PARN: variants seen among roughly 807,000 people sequenced by gnomAD.
PARN encodes the protein poly(A)-specific ribonuclease PARN.
Under a neutral mutation model 102.8 loss-of-function variants are expected in PARN, and 71 were observed. The observed-to-expected ratio is 0.69, with a 90% CI of 0.57 to 0.84. The LOEUF is 0.84. Among genes scored for constraint, PARN ranks in the 40% least tolerant of loss-of-function variants. The probability of loss-of-function intolerance (pLI) is 0.00; values close to 1 mark genes in which losing one functional copy is unlikely to be tolerated. For missense variants in PARN, 782 were observed against 760.9 expected (o/e 1.03, Z -0.33); for synonymous variants, 261 against 252.9 (o/e 1.03, Z -0.30).
chr16:14,584,551 A>G, intron 15 of PARN, 129 bp from the exon 16 acceptor site: 1 of 828,438 alleles, frequency 1.2e-6, no homozygotes, highest in Admixed American at 3.1e-5. Flanking sequence ...AAAGAAACAC[A>G]GAAGTCTTCG....
chr16:14,446,021 G>A (rs1246936875), intron 23 of PARN, among the ~76,000 whole-genome samples: 1 of 152,250 alleles, frequency 6.6e-6, no homozygotes, highest in Non-Finnish European at 1.5e-5. Context: ...GCACTGTCCT[G>A]GCTCCAGTAA....
intron 12 of PARN, among the ~76,000 whole-genome samples, chr16:14,598,307 T>C (rs906226952): frequency 2.0e-5 from 3 of 152,074 alleles, no homozygotes; most frequent in Admixed American, 1.3e-4. Context: ...GTCAGCAACA[T>C]GTTATGAATA....
chr16:14,581,693 G>C (rs1169060345), intron 17 of PARN, among the ~76,000 whole-genome samples: 1 of 152,162 alleles, frequency 6.6e-6, no homozygotes. Flanking sequence ...GCTGAGGTAG[G>C]AGGATCACTT....
chr16:14,471,015 T>C (rs2151584113), intron 22 of PARN, among the ~76,000 whole-genome samples: 1 of 152,254 alleles, frequency 6.6e-6, no homozygotes, highest in South Asian at 2.1e-4. Flanking sequence ...TAAGCTGTCC[T>C]TAAGCAATCC....
intron 22 of PARN, among the ~76,000 whole-genome samples, chr16:14,476,938 C>G (rs935065367): frequency 6.6e-6 from 1 of 152,094 alleles, no homozygotes; most frequent in African/African-American, 2.4e-5. Context: ...ATAAGAGGAA[C>G]AGAGGGACAC....
intron 21 of PARN, among the ~76,000 whole-genome samples, chr16:14,530,365 C>A (rs1298779242): frequency 1.3e-5 from 2 of 152,160 alleles, no homozygotes; most frequent in Admixed American, 1.3e-4. Context: ...CGCCACAGTG[C>A]TTTGCACACC....
intron 22 of PARN, among the ~76,000 whole-genome samples, chr16:14,461,690 A>G (rs959309216): frequency 7.2e-5 from 11 of 152,218 alleles, no homozygotes; most frequent in African/African-American, 2.7e-4. Context: ...GTGGTCAGCT[A>G]ATTCTTCTTT....
At chr16:14,569,142 G>A (rs987414385) in intron 18 of PARN, among the ~76,000 whole-genome samples, 24 of 151,786 alleles carry the variant, frequency 1.6e-4, no homozygotes, top group African/African-American at 5.6e-4. Flanking sequence ...AGCCTCGGAG[G>A]TGAAGGTTGC....
intron 5 of PARN, among the ~76,000 whole-genome samples, chr16:14,619,578 A>G (rs1458574241): frequency 1.3e-5 from 2 of 152,028 alleles, no homozygotes; most frequent in Non-Finnish European, 2.9e-5. Flanking sequence ...CCTGAGTAAC[A>G]TAGGGAGACC....
intron 20 of PARN, 145 bp from the exon 21 acceptor site, chr16:14,552,240 C>T (rs1336513393): frequency 5.1e-6 from 3 of 591,002 alleles, no homozygotes; most frequent in Admixed American, 3.1e-5. Context: ...AATCTCAGCC[C>T]TACAGAGAGT....
In PARN at chr16:14,617,234, A is replaced by G. The variant is rs182742264; in HGVS notation, c.388+356T>C. ...CCTGTCTCTACTAAAAATACAAAAA[A>G]TTAGCCAGGCGTGGTGGCGGGCACC... On this transcript the variant is annotated intron_variant, in intron 6 of 23. Transcript: ENST00000437198. 3.1e-3 allele frequency among the ~76,000 whole-genome samples: 476 copies of G among 151,452 alleles called. 1 individual carries two copies. Among genetic ancestry groups the G allele is most frequent in the Admixed American group, 7.9e-3 (120 of 15,164 alleles).
chr16:14,530,740 G>A (rs1485744727), intron 21 of PARN, among the ~76,000 whole-genome samples: 5 of 151,804 alleles, frequency 3.3e-5, no homozygotes, highest in African/African-American at 4.8e-5. Flanking sequence ...CTCTCTTCTC[G>A]GCTATCCCAG....
chr16:14,447,176 C>T, intron 22 of PARN, 95 bp from the exon 23 acceptor site: 3 of 746,968 alleles, frequency 4.0e-6, no homozygotes, highest in East Asian at 6.0e-5. Context: ...TCTATTAACA[C>T]TCAGCCAGCC....
rs1254728798 is a variant in PARN at position 14,617,625 on chromosome 16, C to T, written c.353G>A (p.Ser118Asn). The T allele has an allele frequency of 6.3e-7, 1 of 1,598,280 alleles. No homozygotes were observed. Reference sequence around the variant, plus strand: ...AACTTTATTAAAATCAAATCCCTGGCTTGCTAGAAAGTCAATGCTGGAGCT... The same window carrying T: ...AACTTTATTAAAATCAAATCCCTGGTTTGCTAGAAAGTCAATGCTGGAGCT... ...CQSSSIDFLA[S>N]QGFDFNKVFR... is the part of the protein sequence containing the mutation. The change falls in exon 6 of 24, where the codon AGC becomes AAC. Residue 118 changes from serine to asparagine, a missense_variant. By Grantham distance (46) the Ser-to-Asn change is conservative. Transcript: ENST00000437198.
intron 21 of PARN, among the ~76,000 whole-genome samples, chr16:14,544,064 T>C (rs1254608485): frequency 6.6e-6 from 1 of 152,122 alleles, no homozygotes; most frequent in African/African-American, 2.4e-5. Context: ...TGGGGGTGCA[T>C]GCCTGTAATC....
chr16:14,483,869 G>A (rs535731187), intron 21 of PARN, among the ~76,000 whole-genome samples: 27 of 152,000 alleles, frequency 1.8e-4, no homozygotes, highest in Non-Finnish European at 3.2e-4. Context: ...AATAGTTTTG[G>A]GGGAACAGGT....
intron 22 of PARN, among the ~76,000 whole-genome samples, chr16:14,448,144 C>G (rs964521800): frequency 1.4e-4 from 21 of 151,464 alleles, no homozygotes; most frequent in Admixed American, 1.1e-3. Flanking sequence ...GCCACCATGT[C>G]TGGCTAATTT....
At chr16:14,624,642 G>C (rs941347382) in intron 5 of PARN, among the ~76,000 whole-genome samples, 2 of 152,244 alleles carry the variant, frequency 1.3e-5, no homozygotes, top group Non-Finnish European at 2.9e-5. Flanking sequence ...CCATCGGCCA[G>C]ATGTGGTGGC....
In PARN at chr16:14,560,545, C is replaced by G. The variant is rs1967990816; in HGVS notation, c.1263-4836G>C. ...AATTCTATCCTAAGAAACAGTGTAA[C>G]TCAAGTTCACATTCTAGATGTCATA... is the stretch of plus-strand genomic sequence containing the variant. On this transcript the variant is annotated intron_variant, in intron 18 of 23. Coordinates refer to ENST00000437198, the MANE Select transcript of PARN (RefSeq NM_002582.4). Among the ~76,000 whole-genome samples the G allele has an allele frequency of 1.3e-5, 2 of 152,198 alleles. 1 individual carries two copies. The highest frequency in any genetic ancestry group is 2.9e-5 in the Non-Finnish European group (2 of 68,038).
Sources: gnomAD v4.1 joint callset for allele counts (sites outside exome capture counted in the v4.1 genomes callset) on GRCh38, gnomAD v4.1.1 for gene constraint, MANE v1.5 for transcripts, NCBI Gene and HGNC (gene_info 2026-07-23, HGNC 2026-07-21) for gene names.